Variants in F9 observed in about 807,000 individuals in gnomAD.
The protein encoded by F9 is coagulation factor IX, also known as Christmas factor.
In F9, 2 loss-of-function variants were observed where a neutral mutation model predicts 34.1. The ratio of observed to expected loss-of-function variants is 0.06; its 90% CI spans 0.02 to 0.18. The LOEUF is 0.18. Ranked by LOEUF, F9 falls within the 10% of genes least tolerant of loss-of-function variation. The probability of loss-of-function intolerance (pLI) is 1.00; values close to 1 mark genes in which losing one functional copy is unlikely to be tolerated. For missense variants in F9, 216 were observed against 345.1 expected (o/e 0.63, Z 2.96); for synonymous variants, 137 against 118.8 (o/e 1.15, Z -1.00).
At chrX:139,549,212 C>T (rs1323281254) in intron 5 of F9, among the ~76,000 whole-genome samples, 1 of 111,115 alleles carries the variant, frequency 9.0e-6, no homozygotes, top group African/African-American at 3.3e-5. Flanking sequence ...AAATGAGGGG[C>T]TTTTTTGAAG....
chrX:139,541,200 A>G lies in F9; in HGVS notation c.391+11A>G. ...AGAACTGTGAATTAGGTAAGTAACT[A>G]TTTTTTGAATACTCATGGTTCAAAG... On this transcript the variant is annotated intron_variant, in intron 4 of 7. Transcript: ENST00000218099. The G allele has an allele frequency of 2.8e-6, 3 of 1,077,730 alleles. No homozygotes were observed. Among genetic ancestry groups the G allele is most frequent in the South Asian group, 1.9e-5 (1 of 53,987 alleles). The allele number at this position is 1,077,730 out of a possible 1,213,427, so 88.8% of individuals were successfully genotyped here.
chrX:139,541,349 C>T lies in F9; in HGVS notation c.391+160C>T, dbSNP rs1308732574. Among the ~76,000 whole-genome samples the T allele has an allele frequency of 2.7e-5, 3 of 111,393 alleles. No homozygotes were observed. The East Asian group carries it at 8.4e-4, about 31-fold the overall frequency. On this transcript the variant is annotated intron_variant, in intron 4 of 7. Coordinates refer to ENST00000218099, the MANE Select transcript of F9 (RefSeq NM_000133.4). The stretch of plus-strand genomic sequence containing the variant: ...AGTGATAGTTTTCAGGATATGAGTT[C>T]AAGAAGCTACATTAAAATCAATAAC...
intron 6 of F9, among the ~76,000 whole-genome samples, chrX:139,559,472 C>T (rs1432745378): frequency 9.1e-6 from 1 of 109,976 alleles, no homozygotes; most frequent in Non-Finnish European, 1.9e-5. Flanking sequence ...GCGGAGGTTG[C>T]AGTGAGCCAA....
At position 139,530,806 on chromosome X, in the gene F9, C is replaced by T. The variant is rs1927326529; in HGVS notation, c.42C>T (p.Leu14=). ...TGATCATGGCAGAATCACCAGGCCTCATCACCATCTGCCTTTTAGGATATC... is the reference window on the plus strand; with the variant it reads ...TGATCATGGCAGAATCACCAGGCCTTATCACCATCTGCCTTTTAGGATATC... ...VNMIMAESPG[L]ITICLLGYLL... Residue 14 remains leucine (L), a synonymous_variant, in exon 1 of 8, where the codon CTC becomes CTT. Transcript: ENST00000218099. The T allele has an allele frequency of 7.4e-6, 9 of 1,209,574 alleles. No homozygotes were observed. The highest frequency in any genetic ancestry group is 8.9e-6 in the Non-Finnish European group (8 of 894,483).
At position 139,546,759 on chromosome X, in the gene F9, C is replaced by G. The variant is rs988736886; in HGVS notation, c.392-1604C>G. 2.7e-5 allele frequency among the ~76,000 whole-genome samples: 3 copies of G among 111,171 alleles called. No individual in the cohort carries two copies. In the Admixed American group the frequency reaches 2.9e-4, roughly 11 times the overall value. On this transcript the variant is annotated intron_variant, in intron 4 of 7. Coordinates refer to ENST00000218099, the MANE Select transcript of F9 (RefSeq NM_000133.4). ...TAGTAATAAATGTGAGAAAGATGTG[C>G]AAGAACTCTACATAAAAAATTATGA...
intron 5 of F9, among the ~76,000 whole-genome samples, chrX:139,548,708 A>G (rs769415824): frequency 8.9e-6 from 1 of 111,817 alleles, no homozygotes; most frequent in South Asian, 3.7e-4. Context: ...TCTGTGTCCA[A>G]TTTGTCCAAT....
chrX:139,531,191 T>C (rs752978580), intron 1 of F9, among the ~76,000 whole-genome samples: 22 of 111,605 alleles, frequency 2.0e-4, no homozygotes, highest in South Asian at 3.8e-4. Context: ...CAGAATATAG[T>C]GAAAAAAAAT....
rs1240713875 is a variant in F9, at chrX:139,530,802, G to C, written c.38G>C (p.Gly13Ala). The C allele has an allele frequency of 8.3e-7, 1 of 1,211,070 alleles. No homozygotes were observed. The highest frequency in any genetic ancestry group is 1.1e-6 in the Non-Finnish European group (1 of 894,857). ...AACATGATCATGGCAGAATCACCAGGCCTCATCACCATCTGCCTTTTAGGA... is the reference window on the plus strand; with the variant it reads ...AACATGATCATGGCAGAATCACCAGCCCTCATCACCATCTGCCTTTTAGGA... ...RVNMIMAESP[G>A]LITICLLGYL... The change falls in exon 1 of 8, where the codon GGC becomes GCC. Residue 13 changes from glycine to alanine, a missense_variant. By Grantham distance (60) the Gly-to-Ala change is moderately conservative (BLOSUM62 0). Coordinates refer to ENST00000218099, the MANE Select transcript of F9 (RefSeq NM_000133.4).
At chrX:139,536,585 T>G (rs1927481578) in intron 1 of F9, among the ~76,000 whole-genome samples, 1 of 111,487 alleles carries the variant, frequency 9.0e-6, no homozygotes, top group Admixed American at 9.6e-5. Flanking sequence ...ATAATTAGGC[T>G]TCTGTTCTTC....
At position 139,547,143 on chromosome X, in the gene F9, CAGA is replaced by C. The variant is rs1197038466; in HGVS notation, c.392-1217_392-1215del. On this transcript the variant is annotated intron_variant, in intron 4 of 7. Transcript: ENST00000218099. The stretch of plus-strand genomic sequence containing the variant: ...GATCAGTGAAACACACTAGAGTGCT[CAGA>C]AGCACACCTGTACATATATAAAGGC... Among the ~76,000 whole-genome samples, 3 of 111,570 alleles carry C rather than the reference CAGA, an allele frequency of 2.7e-5. No individual in the cohort carries two copies. In the East Asian group the frequency reaches 8.5e-4, roughly 32 times the overall value.
At chrX:139,542,005 C>G in intron 4 of F9, among the ~76,000 whole-genome samples, 1 of 111,598 alleles carries the variant, frequency 9.0e-6, no homozygotes, top group Non-Finnish European at 1.9e-5. Flanking sequence ...TACTCTGACA[C>G]TCTGGAAGAA....
intron 6 of F9, among the ~76,000 whole-genome samples, chrX:139,559,800 T>A (rs1363621881): frequency 8.9e-6 from 1 of 111,869 alleles, no homozygotes; most frequent in African/African-American, 3.3e-5. Context: ...CGTTCAGAAC[T>A]AGTCAGGTCC....
chrX:139,535,015 A>G (rs1178892842), intron 1 of F9, among the ~76,000 whole-genome samples: 1 of 111,520 alleles, frequency 9.0e-6, no homozygotes, highest in African/African-American at 3.3e-5. Flanking sequence ...TGGGCACAGC[A>G]TTGCAAACGA....
intron 3 of F9, among the ~76,000 whole-genome samples, chrX:139,538,798 A>G (rs1350104478): frequency 9.1e-6 from 1 of 109,984 alleles, no homozygotes; most frequent in Non-Finnish European, 1.9e-5. Flanking sequence ...AACTCCTACA[A>G]TCCCTTCATT....
intron 1 of F9, among the ~76,000 whole-genome samples, chrX:139,532,626 G>A (rs1373909380): frequency 1.8e-5 from 2 of 111,369 alleles, no homozygotes; most frequent in African/African-American, 6.5e-5. Flanking sequence ...GATAAAATGT[G>A]CACTAGGTAC....
intron 4 of F9, chrX:139,547,394 C>A (rs1927740668): frequency 9.0e-6 from 1 of 111,309 alleles, no homozygotes; most frequent in South Asian, 3.8e-4. Flanking sequence ...GACTCCTGTT[C>A]AGCAAAAGAC....
chrX:139,541,887 A>G (rs773792349), intron 4 of F9, among the ~76,000 whole-genome samples: 2 of 111,840 alleles, frequency 1.8e-5, no homozygotes, highest in South Asian at 3.7e-4. Context: ...CAGTAATTGG[A>G]GCAGTAAACC....
intron 4 of F9, chrX:139,547,723 G>A (rs1296963380): frequency 8.9e-6 from 1 of 112,265 alleles, no homozygotes; most frequent in Non-Finnish European, 1.9e-5. Flanking sequence ...AGCTGTAATA[G>A]TAATACAGTG....
intron 4 of F9, among the ~76,000 whole-genome samples, chrX:139,543,521 C>A (rs982963775): frequency 8.9e-6 from 1 of 112,042 alleles, no homozygotes; most frequent in African/African-American, 3.2e-5. Flanking sequence ...TTATTTACTA[C>A]GTATTTCTGA....
Sources: allele counts gnomAD v4.1 joint callset (sites outside exome capture counted in the v4.1 genomes callset), GRCh38; gene constraint gnomAD v4.1.1; transcripts MANE v1.5; gene names NCBI Gene and HGNC (gene_info 2026-07-23, HGNC 2026-07-21).